The following SMARCA4 variants were observed in gnomAD, a reference collection of about 807,000 sequenced individuals.
SMARCA4 encodes the protein SWI/SNF related BAF chromatin remodeling complex subunit ATPase 4.
Under a neutral mutation model 193.9 loss-of-function variants are expected in SMARCA4, and 31 were observed. The observed-to-expected ratio is 0.16, with a 90% CI of 0.12 to 0.22. The LOEUF (loss-of-function observed/expected upper bound fraction) is 0.22. Ranked by LOEUF, SMARCA4 falls within the 10% of genes least tolerant of loss-of-function variation. The pLI is 1.00. For missense variants in SMARCA4, 1,148 were observed against 2,296.0 expected (o/e 0.50, Z 10.22); for synonymous variants, 942 against 933.1 (o/e 1.01, Z -0.17).
In SMARCA4 at chr19:10,987,153, C is replaced by T. The variant is rs1239771044; in HGVS notation, c.859+150C>T. 1 of 673,504 alleles carries T rather than the reference C, an allele frequency of 1.5e-6. No individual in the cohort carries two copies. The highest frequency in any genetic ancestry group is 1.8e-5 in the African/African-American group (1 of 56,308). 41.7% of individuals were successfully genotyped at this position (673,504 alleles called of 1,614,324 possible). A position where few individuals can be genotyped will look rare whatever the true frequency, so the allele number is the denominator to read the frequency against. On this transcript the variant is annotated intron_variant, in intron 5 of 34. Coordinates refer to ENST00000344626, the MANE Select transcript of SMARCA4 (RefSeq NM_003072.5). This position sits in a 1 kb window ranked among gnomAD's most constrained non-coding sequence, Gnocchi z 5.3. ...TTTTCTTGTGGTGGTCCCCGGGTCT[C>T]CCCTGTAGCCAGTCAGTTCCCAAAG... is the stretch of plus-strand genomic sequence containing the variant.
At position 10,986,857 on chromosome 19, in the gene SMARCA4, A is replaced by T. The variant is rs1177744608; in HGVS notation, c.761-48A>T. 6.6e-7 allele frequency: 1 copy of T among 1,513,982 alleles called. No homozygotes were observed. The allele number at this position is 1,513,982 out of a possible 1,614,324, so 93.8% of individuals were successfully genotyped here. ...GCTGCCCACGGGGCTGGGCGCAGGC[A>T]TAAACCTGGGACGCACTGTTTTCTC... On this transcript the variant is annotated intron_variant, in intron 4 of 34. Coordinates refer to ENST00000344626, the MANE Select transcript of SMARCA4 (RefSeq NM_003072.5). This position sits in a 1 kb window ranked among gnomAD's most constrained non-coding sequence, Gnocchi z 6.7.
At chr19:11,004,863 G>A (rs1305850270) in intron 13 of SMARCA4, among the ~76,000 whole-genome samples, 18 of 148,128 alleles carry the variant, frequency 1.2e-4, no homozygotes, top group Admixed American at 1.1e-3. Flanking sequence ...TTTTTGAGAC[G>A]GAGTCTCGCT....
chr19:10,985,544 A>G lies in SMARCA4; in HGVS notation c.355+139A>G. 1 of 1,061,710 alleles carries G rather than the reference A, an allele frequency of 9.4e-7. No individual in the cohort carries two copies. Among genetic ancestry groups the G allele is most frequent in the Non-Finnish European group, 1.4e-6 (1 of 715,396 alleles). The allele number at this position is 1,061,710 out of a possible 1,614,324, so 65.8% of individuals were successfully genotyped here. ...GCCGGGTGGGTGGCCCGCCACAGAG[A>G]GCTGTCTGGCATGGCGTGGCTGGTG... On this transcript the variant is annotated intron_variant, in intron 3 of 34. Transcript: ENST00000344626. The surrounding 1 kb of genome is among the most constrained non-coding windows in gnomAD (Gnocchi z 4.5).
At chr19:10,982,671 T>C (rs2085653108) in intron 1 of SMARCA4, among the ~76,000 whole-genome samples, 2 of 151,778 alleles carry the variant, frequency 1.3e-5, no homozygotes, top group African/African-American at 4.8e-5. Context: ...GGCTAAGCTT[T>C]TTTTTTGTAT....
chr19:11,032,938 G>A (rs2075028035), intron 25 of SMARCA4: 11 of 395,086 alleles, frequency 2.8e-5, no homozygotes, highest in South Asian at 2.4e-4. Context: ...GTTGTAAATG[G>A]TGCTCGACTG....
intron 23 of SMARCA4, 55 bp from the exon 24 acceptor site, chr19:11,027,729 C>A (rs1416244669): frequency 5.0e-6 from 8 of 1,603,028 alleles, no homozygotes; most frequent in Non-Finnish European, 6.8e-6. Context: ...TACCTGCCTG[C>A]AGGGTTCCAG....
chr19:10,976,725 G>A (rs549246899), intron 1 of SMARCA4, among the ~76,000 whole-genome samples: 235 of 149,294 alleles, frequency 1.6e-3, no homozygotes, highest in Non-Finnish European at 2.3e-3. Flanking sequence ...CTGCATTCCA[G>A]CCTGGGAGAC....
intron 18 of SMARCA4, among the ~76,000 whole-genome samples, chr19:11,020,180 G>T (rs1372236485): frequency 6.6e-6 from 1 of 152,200 alleles, no homozygotes; most frequent in Non-Finnish European, 1.5e-5. Context: ...TGGGCAGCTG[G>T]TTCGGGCTGT....
At chr19:11,049,283 G>A (rs1157077577) in intron 30 of SMARCA4, among the ~76,000 whole-genome samples, 4 of 152,190 alleles carry the variant, frequency 2.6e-5, no homozygotes, top group African/African-American at 9.6e-5. Flanking sequence ...TTAGCCAAGG[G>A]CGTTTCTCCT....
chr19:11,062,210 G>A lies in SMARCA4; in HGVS notation c.*394G>A, dbSNP rs1328040782. 3 of 305,324 alleles carry A rather than the reference G, an allele frequency of 9.8e-6. No homozygotes were observed. Among genetic ancestry groups the A allele is most frequent in the Non-Finnish European group, 1.9e-5 (3 of 161,716 alleles). 18.9% of individuals were successfully genotyped at this position (305,324 alleles called of 1,614,324 possible). A position where few individuals can be genotyped will look rare whatever the true frequency, so the allele number is the denominator to read the frequency against. On this transcript the variant is annotated 3_prime_UTR_variant, in exon 35 of 35. Transcript: ENST00000344626. ...ATTGGACAGGTCAGACTCGCCGGGG[G>A]CCCGGCGAGGGTATGTCAGTGTCAC... is the stretch of plus-strand genomic sequence containing the variant.
chr19:11,019,447 C>G lies in SMARCA4; in HGVS notation c.2506-144C>G. 1 of 663,028 alleles carries G rather than the reference C, an allele frequency of 1.5e-6. No homozygotes were observed. The highest frequency in any genetic ancestry group is 2.7e-5 in the East Asian group (1 of 36,802). The allele number at this position is 663,028 out of a possible 1,614,324, so 41.1% of individuals were successfully genotyped here. A position where few individuals can be genotyped will look rare whatever the true frequency, so the allele number is the denominator to read the frequency against. On this transcript the variant is annotated intron_variant, in intron 17 of 34. Coordinates refer to ENST00000344626, the MANE Select transcript of SMARCA4 (RefSeq NM_003072.5). The surrounding 1 kb of genome is among the most constrained non-coding windows in gnomAD (Gnocchi z 6.1). ...TGAGGTCTGGGGACGCGCCAGCGGC[C>G]CTGCCAGCCCCTTTCCCCACTACCC...
intron 19 of SMARCA4, among the ~76,000 whole-genome samples, chr19:11,022,892 C>T (rs920801074): frequency 5.5e-4 from 83 of 152,212 alleles, no homozygotes; most frequent in African/African-American, 2.0e-3. Flanking sequence ...CTTTCTGAGC[C>T]GAGCAAAAGC....
At position 10,985,203 on chromosome 19, in the gene SMARCA4, G is replaced by A. The variant is rs2145744695; in HGVS notation, c.223-70G>A. 6.4e-7 allele frequency: 1 copy of A among 1,555,260 alleles called. No individual in the cohort carries two copies. Among genetic ancestry groups the A allele is most frequent in the East Asian group, 2.2e-5 (1 of 44,542 alleles). ...CTCGGTGCCCTCGAGCTTCTCTCGG[G>A]CAGCGCATAGCTGCGCTGCCACCTC... is the stretch of plus-strand genomic sequence containing the variant. On this transcript the variant is annotated intron_variant, in intron 2 of 34. Transcript: ENST00000344626. This position sits in a 1 kb window ranked among gnomAD's most constrained non-coding sequence, Gnocchi z 4.5.
chr19:11,054,362 G>A (rs1005984821), intron 30 of SMARCA4, among the ~76,000 whole-genome samples: 11 of 152,220 alleles, frequency 7.2e-5, no homozygotes, highest in Admixed American at 2.0e-4. Flanking sequence ...GGGACAGCAA[G>A]GAGGCAGGAG....
At chr19:11,036,689 C>T (rs367618273) in intron 29 of SMARCA4, among the ~76,000 whole-genome samples, 1 of 152,188 alleles carries the variant, frequency 6.6e-6, no homozygotes, top group East Asian at 1.9e-4. Context: ...GTATATGATA[C>T]AATCATCTTC....
At chr19:10,972,603 G>A (rs564982366) in intron 1 of SMARCA4, among the ~76,000 whole-genome samples, 1 of 152,238 alleles carries the variant, frequency 6.6e-6, no homozygotes, top group African/African-American at 2.4e-5. Flanking sequence ...CTGCTGTGGC[G>A]GTGGGGAAGG....
intron 34 of SMARCA4, chr19:11,060,608 A>T: frequency 3.8e-6 from 1 of 262,878 alleles, no homozygotes; most frequent in Non-Finnish European, 7.5e-6. Flanking sequence ...CGCCAAGACC[A>T]CAGTGGATAG....
At chr19:10,980,218 G>A (rs539883930) in intron 1 of SMARCA4, among the ~76,000 whole-genome samples, 8 of 152,204 alleles carry the variant, frequency 5.3e-5, no homozygotes, top group Middle Eastern at 3.4e-3. Context: ...TGGCACCCGC[G>A]TTCCTGTTTC....
At chr19:11,051,336 A>G (rs540882834) in intron 30 of SMARCA4, among the ~76,000 whole-genome samples, 1 of 152,260 alleles carries the variant, frequency 6.6e-6, no homozygotes, top group African/African-American at 2.4e-5. Context: ...AGGTGTGTGG[A>G]GTTGGCAGCA....
Sources: allele counts gnomAD v4.1 joint callset (sites outside exome capture counted in the v4.1 genomes callset), GRCh38; gene constraint gnomAD v4.1.1; non-coding constraint Gnocchi (gnomAD v3.1); transcripts MANE v1.5; gene names NCBI Gene and HGNC (gene_info 2026-07-23, HGNC 2026-07-21).